The following KANK1 variants were observed in gnomAD, a reference collection of about 807,000 sequenced individuals.
The protein encoded by KANK1 is KN motif and ankyrin repeat domain-containing protein 1.
In KANK1, 109 loss-of-function variants were observed where a neutral mutation model predicts 106.2. That is an observed-to-expected ratio of 1.03 (90% CI 0.88 to 1.20). KANK1 has a LOEUF of 1.20. Ranked by LOEUF, KANK1 falls within the 50% of genes most tolerant of loss-of-function variation. The pLI, the probability that KANK1 is intolerant of heterozygous loss-of-function variation, is 0.00. For synonymous variants in KANK1, 873 were observed against 652.2 expected, an observed-to-expected ratio of 1.34 and a Z score of -5.16; for missense variants, 2,399 against 1,710.7, an observed-to-expected ratio of 1.40 and a Z score of -7.10.
chr9:618,030 T>C (rs987436260), intron 1 of KANK1, among the ~76,000 whole-genome samples: 46 of 152,148 alleles, frequency 3.0e-4, no homozygotes, highest in African/African-American at 9.9e-4. Flanking sequence ...CCTCCTAATA[T>C]AATTTACCCT....
At chr9:715,398 G>A (rs1412721658) in intron 3 of KANK1, among the ~76,000 whole-genome samples, 1 of 152,044 alleles carries the variant, frequency 6.6e-6, no homozygotes, top group East Asian at 1.9e-4. Flanking sequence ...CATTATAAAA[G>A]CATTTTGTTC....
At chr9:534,622 C>G (rs1057497706) in intron 1 of KANK1, among the ~76,000 whole-genome samples, 1 of 152,178 alleles carries the variant, frequency 6.6e-6, no homozygotes, top group Admixed American at 6.5e-5. Flanking sequence ...ATGCAGCAGC[C>G]TACTGGCTGA....
intron 1 of KANK1, among the ~76,000 whole-genome samples, chr9:566,789 C>G (rs1817919829): frequency 6.6e-6 from 1 of 152,090 alleles, no homozygotes; most frequent in Non-Finnish European, 1.5e-5. Flanking sequence ...AATTTTCTCC[C>G]ATTCTGTAGG....
intron 1 of KANK1, among the ~76,000 whole-genome samples, chr9:653,949 T>C (rs16921959): frequency 0.2 from 29,977 of 152,022 alleles, 3,063 homozygotes; most frequent in East Asian, 0.32. Flanking sequence ...TTTTGCAGAG[T>C]GTGCCACCCT....
intron 1 of KANK1, among the ~76,000 whole-genome samples, chr9:541,605 CAT>C (rs1465791487): frequency 6.6e-6 from 1 of 151,824 alleles, no homozygotes; most frequent in African/African-American, 2.4e-5. Flanking sequence ...CAGAAGCAAA[CAT>C]AGACAAATGG....
chr9:577,624 C>T (rs1820934616), intron 1 of KANK1, among the ~76,000 whole-genome samples: 1 of 152,176 alleles, frequency 6.6e-6, no homozygotes, highest in African/African-American at 2.4e-5. Context: ...TTGTTTAAGG[C>T]AGTTATTCTC....
chr9:671,524 G>C (rs1471493011), intron 1 of KANK1, among the ~76,000 whole-genome samples: 5 of 147,284 alleles, frequency 3.4e-5, no homozygotes, highest in Non-Finnish European at 7.4e-5. Context: ...GCTGAGGCAG[G>C]AGAATGGCGT....
chr9:516,344 G>A (rs1396696742), intron 1 of KANK1, among the ~76,000 whole-genome samples: 1 of 151,716 alleles, frequency 6.6e-6, no homozygotes, highest in East Asian at 1.9e-4. Flanking sequence ...AGGTGGTTGA[G>A]AGACATGATT....
intron 3 of KANK1, among the ~76,000 whole-genome samples, chr9:497,449 C>A (rs1188604157): frequency 1.4e-5 from 2 of 146,856 alleles, no homozygotes; most frequent in Admixed American, 6.7e-5. Flanking sequence ...CACACACACT[C>A]ACACTCACAC....
chr9:744,720 A>G, intron 11 of KANK1, 131 bp downstream of exon 11: 1 of 1,564,696 alleles, frequency 6.4e-7, no homozygotes, highest in Middle Eastern at 1.7e-4. Flanking sequence ...TCTGGAGCTT[A>G]AGAGTTCATC....
chr9:524,745 G>C (rs1440932671), intron 1 of KANK1, among the ~76,000 whole-genome samples: 5 of 151,508 alleles, frequency 3.3e-5, no homozygotes, highest in African/African-American at 1.2e-4. Flanking sequence ...TCAAACTCCT[G>C]ACCTCAGGTG....
At chr9:491,488 C>T (rs1392613992) in intron 3 of KANK1, among the ~76,000 whole-genome samples, 1 of 151,768 alleles carries the variant, frequency 6.6e-6, no homozygotes, top group Admixed American at 6.6e-5. Context: ...AGGATGCTCT[C>T]AATGTCTTGA....
At chr9:519,113 C>G (rs149996964) in intron 1 of KANK1, among the ~76,000 whole-genome samples, 1 of 151,780 alleles carries the variant, frequency 6.6e-6, no homozygotes, top group African/African-American at 2.4e-5. Flanking sequence ...TGGTCTCAAA[C>G]TCCCAACCTC....
intron 2 of KANK1, among the ~76,000 whole-genome samples, chr9:679,295 C>T (rs534909849): frequency 3.6e-4 from 54 of 151,992 alleles, no homozygotes; most frequent in African/African-American, 1.2e-3. Context: ...AATATATATG[C>T]AAACATACAT....
chr9:650,555 G>C (rs1036965366), intron 1 of KANK1, among the ~76,000 whole-genome samples: 5 of 152,154 alleles, frequency 3.3e-5, no homozygotes, highest in Non-Finnish European at 5.9e-5. Context: ...GACTTGAGTA[G>C]CAGGTTGTCA....
chr9:636,845 C>T (rs1217785647), intron 1 of KANK1, among the ~76,000 whole-genome samples: 1 of 152,192 alleles, frequency 6.6e-6, no homozygotes, highest in East Asian at 1.9e-4. Context: ...AGCCAGGCGA[C>T]AGCGCGAGAC....
At chr9:498,345 G>A (rs1044191647) in intron 3 of KANK1, among the ~76,000 whole-genome samples, 9 of 152,128 alleles carry the variant, frequency 5.9e-5, no homozygotes, top group South Asian at 2.1e-4. Context: ...TGTATAACGC[G>A]TGGTCATGTT....
At chr9:582,256 C>A (rs530287223) in intron 1 of KANK1, among the ~76,000 whole-genome samples, 1 of 152,052 alleles carries the variant, frequency 6.6e-6, no homozygotes, top group Non-Finnish European at 1.5e-5. Context: ...GTGGCTTTAC[C>A]TGCCCCAAAT....
At chr9:613,202 C>G (rs1417762375) in intron 1 of KANK1, among the ~76,000 whole-genome samples, 1 of 151,766 alleles carries the variant, frequency 6.6e-6, no homozygotes, top group Non-Finnish European at 1.5e-5. Flanking sequence ...TGACCAGATA[C>G]ATAGTTCACA....
Sources: gnomAD v4.1 joint callset for allele counts (sites outside exome capture counted in the v4.1 genomes callset) on GRCh38, gnomAD v4.1.1 for gene constraint, MANE v1.5 for transcripts, NCBI Gene and HGNC (gene_info 2026-07-23, HGNC 2026-07-21) for gene names.